Variants in HELZ2 observed in about 807,000 individuals in gnomAD.
HELZ2 encodes the protein 3'-5' exoribonuclease HELZ2.
In HELZ2, 143 loss-of-function variants were observed where a neutral mutation model predicts 208.8. The ratio of observed to expected loss-of-function variants is 0.68; its 90% CI spans 0.60 to 0.79. HELZ2 has a LOEUF of 0.79. Ranked by LOEUF, HELZ2 falls within the 30% of genes least tolerant of loss-of-function variation. The pLI, the probability that HELZ2 is intolerant of heterozygous loss-of-function variation, is 0.00. For missense variants in HELZ2, 3,690 were observed against 3,794.5 expected, an observed-to-expected ratio of 0.97 and a Z score of 0.72; for synonymous variants, 1,705 against 1,693.7, an observed-to-expected ratio of 1.01 and a Z score of -0.16.
chr20:63,560,639 C>G (rs1286177535), exon 16 of HELZ2: 11 of 1,610,576 alleles, frequency 6.8e-6, no homozygotes, highest in Non-Finnish European at 9.3e-6. Flanking sequence ...CAGGCCCTGC[C>G]ACGTCTTCAG....
intron 5 of HELZ2, 187 bp from the exon 7 acceptor site, chr20:63,567,814 A>T (rs2082979218): frequency 7.4e-7 from 1 of 1,354,820 alleles, no homozygotes; most frequent in South Asian, 1.5e-5. Flanking sequence ...GGAGGGCTTC[A>T]GGCAACACCT....
exon 8 of HELZ2, chr20:63,564,354 A>T: frequency 6.4e-7 from 1 of 1,566,126 alleles, no homozygotes; most frequent in Non-Finnish European, 8.6e-7. Context: ...GAGAAGTAGC[A>T]CGCGGCCACG....
chr20:63,565,554 C>T (rs759521520), exon 8 of HELZ2: 32 of 1,607,268 alleles, frequency 2.0e-5, no homozygotes, highest in Non-Finnish European at 2.5e-5. Flanking sequence ...CCGTCCTCCC[C>T]GACGGTCACC....
chr20:63,566,987 G>T (rs759565725), exon 6 of HELZ2: 7 of 1,611,648 alleles, frequency 4.3e-6, no homozygotes, highest in South Asian at 1.1e-5. Flanking sequence ...GACATGTCCC[G>T]GTCTGGGCTG....
intron 6 of HELZ2, 22 bp from the exon 8 acceptor site, chr20:63,566,475 G>A (rs1331129486): frequency 6.5e-7 from 1 of 1,545,974 alleles, no homozygotes; most frequent in African/African-American, 1.4e-5. Context: ...GCAGGGCCGG[G>A]GATGAGTGCT....
downstream of HELZ2, chr20:63,559,053 C>T: frequency 1.7e-6 from 1 of 588,584 alleles, no homozygotes; most frequent in Non-Finnish European, 2.9e-6. Flanking sequence ...CCCAGATGCC[C>T]AGGAGGAGCA....
intron 5 of HELZ2, chr20:63,567,972 G>A (rs1181416110): frequency 1.1e-5 from 6 of 547,714 alleles, no homozygotes; most frequent in Non-Finnish European, 1.6e-5. Context: ...GGAAGGCCCC[G>A]GCCTGGGGAG....
At chr20:63,565,361 G>C (rs763446355) in exon 8 of HELZ2, 1 of 1,607,030 alleles carries the variant, frequency 6.2e-7, no homozygotes, top group Non-Finnish European at 8.5e-7. Flanking sequence ...GACCTGGATG[G>C]GGCCCGAGGA....
At position 63,563,981 on chromosome 20, in the gene HELZ2, T is replaced by C. The variant is rs764540950; in HGVS notation, c.4841A>G (p.Asp1614Gly). 1.4e-5 allele frequency: 23 copies of C among 1,602,422 alleles called. No homozygotes were observed. Among genetic ancestry groups the C allele is most frequent in the Non-Finnish European group, 1.9e-5 (22 of 1,174,354 alleles). ...GACCAAGTCCACCATCTGTTCGTAG[T>C]CCTGGGTGCGGGCAGCAAACTGGAC... Residue 1614 changes from aspartate to glycine, a missense_variant, in exon 8 of 19, where the codon GAC becomes GGC. Physicochemically the swap from Asp to Gly is moderately conservative, Grantham distance 94. Around this residue, in one of 3 missense-constraint regions of HELZ2, gnomAD observed 2,564 missense variants for 2,580.5 expected, o/e 0.99. Transcript: ENST00000467148.
chr20:63,558,737 C>G (rs1455973291), downstream of HELZ2: 1 of 152,268 alleles, frequency 6.6e-6, no homozygotes, highest in Non-Finnish European at 1.5e-5. Context: ...GGGGTTTCAC[C>G]ATGTTGGCCA....
chr20:63,573,530 G>A (rs1031656563), upstream of HELZ2, among the ~76,000 whole-genome samples: 1 of 152,118 alleles, frequency 6.6e-6, no homozygotes, highest in African/African-American at 2.4e-5. The surrounding 1 kb of genome is among the most constrained non-coding windows in gnomAD (Gnocchi z 4.9). Context: ...GAGCCCTGGA[G>A]GGGGCAGAGC....
chr20:63,565,343 C>A, exon 8 of HELZ2: 2 of 1,606,802 alleles, frequency 1.2e-6, no homozygotes, highest in Non-Finnish European at 1.7e-6. Flanking sequence ...ACAGTCCAGG[C>A]GGCCCCTGAC....
intron 4 of HELZ2, 41 bp from the exon 6 acceptor site, chr20:63,569,040 C>G (rs1449863017): frequency 1.3e-6 from 2 of 1,596,204 alleles, no homozygotes; most frequent in South Asian, 1.1e-5. Flanking sequence ...GCCACAGCTG[C>G]CAGCCCCGCT....
chr20:63,566,888 C>T lies in HELZ2; in HGVS notation c.2470G>A (p.Gly824Ser), dbSNP rs201125994. 177 of 1,607,282 alleles carry T rather than the reference C, an allele frequency of 1.1e-4. No individual in the cohort carries two copies. The highest frequency in any genetic ancestry group is 1.3e-4 in the Non-Finnish European group (159 of 1,179,748). The change falls in exon 6 of 19, where the codon GGC becomes AGC. Residue 824 changes from glycine to serine, a missense_variant. Gly to Ser is a moderately conservative substitution (Grantham distance 56, BLOSUM62 0). Coordinates refer to ENST00000467148, the Ensembl canonical transcript of HELZ2. ...ACACAGATGCACCTCTGCTCGCGGC[C>T]GCCCCAGCAGCTGGGCCAGGTGTTG... is the stretch of plus-strand genomic sequence containing the variant.
At chr20:63,561,245 T>A (rs1379460388) in exon 14 of HELZ2, 1 of 1,612,618 alleles carries the variant, frequency 6.2e-7, no homozygotes, top group Admixed American at 1.7e-5. Flanking sequence ...CAGCTCGAAC[T>A]TCCGAGCCTC....
At chr20:63,565,469 A>G (rs1339666718) in exon 8 of HELZ2, 2 of 1,608,224 alleles carry the variant, frequency 1.2e-6, no homozygotes, top group African/African-American at 1.3e-5. Context: ...CAGCTTCCGT[A>G]GCGCAGCCGG....
At chr20:63,569,077 C>T (rs1326860421) in intron 4 of HELZ2, 71 bp downstream of exon 5, 63 of 1,586,240 alleles carry the variant, frequency 4.0e-5, no homozygotes, top group East Asian at 6.7e-5. Flanking sequence ...CATCCGCTCC[C>T]GTTGCCCCAG....
At chr20:63,569,706 C>T (rs1057373623) in intron 3 of HELZ2, 41 bp from the exon 5 acceptor site, 3 of 1,462,228 alleles carry the variant, frequency 2.1e-6, no homozygotes, top group Non-Finnish European at 2.7e-6. Flanking sequence ...CCAGGGCTCC[C>T]CCCAACCCTC....
chr20:63,566,873 A>G, exon 6 of HELZ2: 1 of 1,604,796 alleles, frequency 6.2e-7, no homozygotes. Context: ...ACACAGATGC[A>G]CCTCTGCTCG....
Sources: allele counts gnomAD v4.1 joint callset (sites outside exome capture counted in the v4.1 genomes callset), GRCh38; gene constraint gnomAD v4.1.1; regional missense constraint gnomAD v4.1.1; non-coding constraint Gnocchi (gnomAD v3.1); transcripts MANE v1.5; gene names NCBI Gene and HGNC (gene_info 2026-07-23, HGNC 2026-07-21).